MTA3: variants seen among roughly 807,000 people sequenced by gnomAD.
The protein encoded by MTA3 is metastasis-associated protein MTA3.
A neutral mutation model predicts 83.5 loss-of-function variants in MTA3; 34 were observed. The observed-to-expected ratio is 0.41, with a 90% confidence interval of 0.31 to 0.54. The LOEUF (loss-of-function observed/expected upper bound fraction) is 0.54, where lower values mean the gene tolerates loss of function less well. Ranked by LOEUF, MTA3 falls within the 20% of genes least tolerant of loss-of-function variation. MTA3 has a pLI of 0.33. For synonymous variants in MTA3, 303 were observed against 252.7 expected, an observed-to-expected ratio of 1.20 and a Z score of -1.89; for missense variants, 761 against 726.4, an observed-to-expected ratio of 1.05 and a Z score of -0.55.
chr2:42,533,624 G>C (rs1467405052), intron 2 of MTA3, among the ~76,000 whole-genome samples: 6 of 148,512 alleles, frequency 4.0e-5, no homozygotes, highest in Non-Finnish European at 7.4e-5. Flanking sequence ...ACGAGGTTAG[G>C]AGATCGAGAC....
At chr2:42,538,158 G>C (rs957240399) in intron 2 of MTA3, among the ~76,000 whole-genome samples, 30 of 152,242 alleles carry the variant, frequency 2.0e-4, no homozygotes, top group African/African-American at 7.2e-4. Context: ...GCGTGAACCC[G>C]GGAGGTGGAG....
rs141564030 is a variant in MTA3, at chr2:42,601,672, G to A, written c.191-7786G>A. On this transcript the variant is annotated intron_variant, in intron 3 of 16. Coordinates refer to ENST00000405094, the MANE Select transcript of MTA3 (RefSeq NM_001330442.2). The stretch of plus-strand genomic sequence containing the variant: ...TGAGTAGCTGGGATTCCAGGTTCAC[G>A]CCACGAAGCCCACCTAATTTTTTTT... Among the ~76,000 whole-genome samples, 675 of 150,478 alleles carry A rather than the reference G, an allele frequency of 4.5e-3. 7 individuals carry two copies. The highest frequency in any genetic ancestry group is 0.016 in the African/African-American group (650 of 40,906).
At chr2:42,740,975 C>T (rs1338016468) in intron 16 of MTA3, among the ~76,000 whole-genome samples, 1 of 152,254 alleles carries the variant, frequency 6.6e-6, no homozygotes. Context: ...ATGGCATCTT[C>T]TTCCAGTATA....
At chr2:42,703,016 G>A (rs1261871610) in intron 11 of MTA3, 2 of 152,226 alleles carry the variant, frequency 1.3e-5, no homozygotes, top group Non-Finnish European at 2.9e-5. Flanking sequence ...GTGGAGTACA[G>A]TGGCATGATC....
In MTA3 at chr2:42,704,201, C is replaced by A. The variant is rs1177772207; in HGVS notation, c.1033C>A (p.Pro345Thr). 1 of 1,613,766 alleles carries A rather than the reference C, an allele frequency of 6.2e-7. No homozygotes were observed. The highest frequency in any genetic ancestry group is 8.5e-7 in the Non-Finnish European group (1 of 1,179,768). The change falls in exon 12 of 17, where the codon CCA becomes ACA. Residue 345 changes from proline to threonine, a missense_variant. Pro to Thr is a conservative substitution (Grantham distance 38, BLOSUM62 -1). Transcript: ENST00000405094. ...KQVYIPTYSK[P>T]NPNQISTSNG... ...TTTTAATTTCATTGAAAGCAGCAAA[C>A]CAAATCCCAACCAAATATCCACTAG... is the stretch of plus-strand genomic sequence containing the variant.
intron 3 of MTA3, among the ~76,000 whole-genome samples, chr2:42,594,036 C>T (rs557055962): frequency 2.0e-5 from 3 of 150,374 alleles, no homozygotes; most frequent in Non-Finnish European, 2.9e-5. Context: ...ACTGCAACTT[C>T]CCCCTGTCAG....
At chr2:42,529,618 TC>T (rs2103716383) in intron 2 of MTA3, among the ~76,000 whole-genome samples, 1 of 152,336 alleles carries the variant, frequency 6.6e-6, no homozygotes, top group Non-Finnish European at 1.5e-5. Context: ...GTTTTCTGTT[TC>T]CTTTGCAAGG....
intron 16 of MTA3, among the ~76,000 whole-genome samples, chr2:42,738,330 C>CA (rs1033748638): frequency 2.0e-5 from 3 of 152,116 alleles, no homozygotes; most frequent in Non-Finnish European, 4.4e-5. Context: ...ATTTTATGGG[C>CA]ATTTATTAGT....
chr2:42,644,609 G>A (rs576891909), intron 6 of MTA3, among the ~76,000 whole-genome samples: 1 of 152,202 alleles, frequency 6.6e-6, no homozygotes, highest in Non-Finnish European at 1.5e-5. Flanking sequence ...TTAAAAATTT[G>A]AAGGTTTGTG....
At chr2:42,573,058 T>C (rs1200734661) in intron 2 of MTA3, among the ~76,000 whole-genome samples, 1 of 152,112 alleles carries the variant, frequency 6.6e-6, no homozygotes. Context: ...CAGAAAGCAG[T>C]CAAGCTGCAT....
Position 42,754,410 on chromosome 2 carries a change from G to GT in MTA3, c.*1012dup, listed in dbSNP as rs1670100474. On this transcript the variant is annotated 3_prime_UTR_variant, in exon 17 of 17. Transcript: ENST00000405094. ...CCAGCCCAACATCTTGTGAGCACAT[G>GT]TGACCTAGGCCCCGGGGGACCTGCC... 12 of 985,456 alleles carry GT rather than the reference G, an allele frequency of 1.2e-5. No individual in the cohort carries two copies. In the South Asian group the frequency reaches 4.7e-4, roughly 39 times the overall value. 61.0% of individuals were successfully genotyped at this position (985,456 alleles called of 1,614,324 possible).
At chr2:42,738,471 TACTTC>T (rs1668764254) in intron 16 of MTA3, among the ~76,000 whole-genome samples, 1 of 152,230 alleles carries the variant, frequency 6.6e-6, no homozygotes, top group African/African-American at 2.4e-5. Context: ...TGCCCGTCTT[TACTTC>T]AATCTCTTAA....
intron 16 of MTA3, among the ~76,000 whole-genome samples, chr2:42,743,544 T>G (rs1669190522): frequency 2.0e-5 from 3 of 152,210 alleles, no homozygotes; most frequent in African/African-American, 7.2e-5. Flanking sequence ...CTCCTCTGGC[T>G]TATTTCCCCT....
At chr2:42,659,723 GA>G (rs1689493057) in intron 7 of MTA3, 39 bp from the exon 8 acceptor site, 1 of 1,407,590 alleles carries the variant, frequency 7.1e-7, no homozygotes, top group South Asian at 1.6e-5. Flanking sequence ...AACCAAAACA[GA>G]TACTTAATTC....
At chr2:42,635,398 C>A (rs776475792) in intron 4 of MTA3, among the ~76,000 whole-genome samples, 5 of 151,976 alleles carry the variant, frequency 3.3e-5, no homozygotes, top group Non-Finnish European at 7.4e-5. Context: ...GAGGCCGAGG[C>A]GGGTGGATCA....
intron 8 of MTA3, among the ~76,000 whole-genome samples, chr2:42,668,085 G>A (rs1011571636): frequency 6.6e-6 from 1 of 152,178 alleles, no homozygotes; most frequent in African/African-American, 2.4e-5. Flanking sequence ...GCTTCAGGAA[G>A]GTTATGGATG....
At chr2:42,712,823 A>G (rs1410454878) in intron 14 of MTA3, 1 of 152,140 alleles carries the variant, frequency 6.6e-6, no homozygotes, top group African/African-American at 2.4e-5. Flanking sequence ...TGACAACACA[A>G]ATTAGTGAAG....
At chr2:42,581,740 A>C in intron 3 of MTA3, 1 of 288,162 alleles carries the variant, frequency 3.5e-6, no homozygotes, top group Non-Finnish European at 6.7e-6. Flanking sequence ...ATATGAACAT[A>C]AATCAGATTT....
chr2:42,592,458 CGT>C (rs1681131713), intron 3 of MTA3, among the ~76,000 whole-genome samples: 1 of 151,964 alleles, frequency 6.6e-6, no homozygotes, highest in Non-Finnish European at 1.5e-5. Context: ...GTGGCATGCA[CGT>C]GTGGTCCCAG....
Sources: allele counts gnomAD v4.1 joint callset (sites outside exome capture counted in the v4.1 genomes callset), GRCh38; gene constraint gnomAD v4.1.1; transcripts MANE v1.5; gene names NCBI Gene and HGNC (gene_info 2026-07-23, HGNC 2026-07-21).